PCDHA7: variants seen among roughly 807,000 people sequenced by gnomAD.
PCDHA7 encodes the protein protocadherin alpha 7, also known as protocadherin alpha-7.
A neutral mutation model predicts 57.2 loss-of-function variants in PCDHA7; 37 were observed. The observed-to-expected ratio is 0.65, with a 90% CI of 0.50 to 0.85. PCDHA7 has a LOEUF of 0.85. PCDHA7 is among the 40% of genes least tolerant of loss of function. The pLI is 0.00. For synonymous variants in PCDHA7, 553 were observed against 558.8 expected (o/e 0.99, Z 0.15); for missense variants, 1,188 against 1,241.8 (o/e 0.96, Z 0.65).
At chr5:141,000,414 TATATATA>T (rs1167743190) in intron 3 of PCDHA7, among the ~76,000 whole-genome samples, 31 of 99,528 alleles carry the variant, frequency 3.1e-4, no homozygotes, top group African/African-American at 9.8e-4. Context: ...TATATATATA[TATATATA>T]TTTTTTTTTT....
At chr5:140,986,019 G>A (rs562523452) in intron 3 of PCDHA7, among the ~76,000 whole-genome samples, 66 of 152,154 alleles carry the variant, frequency 4.3e-4, no homozygotes, top group Middle Eastern at 3.4e-3. Flanking sequence ...GATTACAGGC[G>A]TGAGCCACTG....
intron 1 of PCDHA7, among the ~76,000 whole-genome samples, chr5:140,909,495 G>A (rs532080413): frequency 7.2e-5 from 11 of 152,278 alleles, no homozygotes; most frequent in African/African-American, 2.6e-4. Context: ...AGCTGAACGG[G>A]GATGTGGTGG....
chr5:140,907,235 T>C, intron 1 of PCDHA7, among the ~76,000 whole-genome samples: 1 of 152,234 alleles, frequency 6.6e-6, no homozygotes, highest in East Asian at 1.9e-4. Context: ...TGTCACCTAG[T>C]TGACATTGTA....
At chr5:140,972,740 T>G (rs2096553417) in intron 1 of PCDHA7, among the ~76,000 whole-genome samples, 1 of 149,910 alleles carries the variant, frequency 6.7e-6, no homozygotes, top group Admixed American at 6.8e-5. Flanking sequence ...CCCGGCTCAC[T>G]GCAACCTCCG....
intron 1 of PCDHA7, among the ~76,000 whole-genome samples, chr5:140,907,751 A>T (rs1443394789): frequency 1.3e-5 from 2 of 152,134 alleles, no homozygotes; most frequent in African/African-American, 4.8e-5. Context: ...CACTTTGTTC[A>T]TGGGCCCATT....
chr5:140,950,605 A>T (rs1199751655), intron 1 of PCDHA7, among the ~76,000 whole-genome samples: 1 of 151,926 alleles, frequency 6.6e-6, no homozygotes, highest in Non-Finnish European at 1.5e-5. Flanking sequence ...TTTGACTATG[A>T]TGTGCTTATT....
intron 3 of PCDHA7, among the ~76,000 whole-genome samples, chr5:140,983,386 A>G (rs1426409765): frequency 2.6e-5 from 4 of 152,216 alleles, no homozygotes. Context: ...TCGCTGTGGC[A>G]GTTTTCAGAA....
At position 141,010,044 on chromosome 5, in the gene PCDHA7, G is replaced by C; in HGVS notation, c.*107G>C. Reference sequence around the variant, plus strand: ...TTTCCTATCTACATGAGCCCTCTTAGAGACCTCAGAAATCTGCAGAAAGTT... The same window carrying C: ...TTTCCTATCTACATGAGCCCTCTTACAGACCTCAGAAATCTGCAGAAAGTT... On this transcript the variant is annotated 3_prime_UTR_variant, in exon 4 of 4. Coordinates refer to ENST00000525929, the MANE Select transcript of PCDHA7 (RefSeq NM_018910.3). 1.3e-6 allele frequency: 2 copies of C among 1,594,604 alleles called. No individual in the cohort carries two copies. Among genetic ancestry groups the C allele is most frequent in the Non-Finnish European group, 1.7e-6 (2 of 1,171,226 alleles).
intron 1 of PCDHA7, among the ~76,000 whole-genome samples, chr5:140,899,732 T>C (rs1174883648): frequency 6.6e-6 from 1 of 152,222 alleles, no homozygotes; most frequent in Non-Finnish European, 1.5e-5. Context: ...TTTCTATTGA[T>C]TGGAATAGTT....
chr5:141,007,275 T>C (rs1418814264), intron 3 of PCDHA7, among the ~76,000 whole-genome samples: 2 of 151,338 alleles, frequency 1.3e-5, no homozygotes, highest in Non-Finnish European at 2.9e-5. Context: ...ACAGGCTGGG[T>C]GCAGTGGGCT....
At chr5:140,981,748 G>C (rs975887463) in intron 2 of PCDHA7, among the ~76,000 whole-genome samples, 28 of 151,686 alleles carry the variant, frequency 1.8e-4, no homozygotes, top group African/African-American at 6.8e-4. Context: ...ATATGAGTTA[G>C]TATTAGACAT....
At chr5:140,931,884 T>A (rs1554208638) in intron 1 of PCDHA7, among the ~76,000 whole-genome samples, 1 of 151,972 alleles carries the variant, frequency 6.6e-6, no homozygotes, top group Non-Finnish European at 1.5e-5. Flanking sequence ...ATTGCTTTCA[T>A]TTTATTTCAA....
At chr5:140,900,559 G>A (rs542075943) in intron 1 of PCDHA7, among the ~76,000 whole-genome samples, 2 of 152,314 alleles carry the variant, frequency 1.3e-5, no homozygotes, top group African/African-American at 2.4e-5. Context: ...TTACAGGCGT[G>A]AGCCACGGCA....
At chr5:140,937,614 C>A (rs561420642) in intron 1 of PCDHA7, among the ~76,000 whole-genome samples, 1 of 149,010 alleles carries the variant, frequency 6.7e-6, no homozygotes, top group Non-Finnish European at 1.5e-5. Flanking sequence ...GATACTCCAT[C>A]TAAAAAGAAA....
chr5:140,925,641 TATAATA>T (rs10569930), intron 1 of PCDHA7, among the ~76,000 whole-genome samples: 8,694 of 143,320 alleles, frequency 0.061, 267 homozygotes, highest in Non-Finnish European at 0.068. Flanking sequence ...GAACTTAAAG[TATAATA>T]ATAATAATAA....
At chr5:140,915,699 C>G (rs1321126272) in intron 1 of PCDHA7, among the ~76,000 whole-genome samples, 1 of 151,944 alleles carries the variant, frequency 6.6e-6, no homozygotes, top group Non-Finnish European at 1.5e-5. Context: ...GTGATGCAAG[C>G]ACTCCTGTGG....
chr5:140,841,421 T>C, intron 1 of PCDHA7: 6 of 1,612,988 alleles, frequency 3.7e-6, no homozygotes, highest in Non-Finnish European at 5.1e-6. Context: ...GCTCCACTAC[T>C]CCGTCCCCGA....
intron 1 of PCDHA7, chr5:140,849,113 G>A: frequency 1.4e-6 from 2 of 1,434,592 alleles, no homozygotes; most frequent in Non-Finnish European, 1.9e-6. Context: ...AAGAAACTCC[G>A]GAGCTTCATT....
intron 1 of PCDHA7, chr5:140,928,859 T>G (rs782758888): frequency 1.2e-6 from 2 of 1,614,176 alleles, no homozygotes; most frequent in Non-Finnish European, 1.7e-6. Flanking sequence ...GGTGTGCTGT[T>G]GAGCAACTCT....
Sources: allele counts gnomAD v4.1 joint callset (sites outside exome capture counted in the v4.1 genomes callset), GRCh38; gene constraint gnomAD v4.1.1; transcripts MANE v1.5; gene names NCBI Gene and HGNC (gene_info 2026-07-23, HGNC 2026-07-21).